Variants in INKA2 observed in about 807,000 individuals in gnomAD.
The protein encoded by INKA2 is PAK4-inhibitor INKA2.
In INKA2, 3 loss-of-function variants were observed where a neutral mutation model predicts 9.8. That is an observed-to-expected ratio of 0.31 (90% CI 0.14 to 0.79). INKA2 has a LOEUF of 0.79. Among genes scored for constraint, INKA2 ranks in the 30% least tolerant of loss-of-function variants. INKA2 has a pLI of 0.62. For missense variants in INKA2, 392 were observed against 384.4 expected (o/e 1.02, Z -0.17); for synonymous variants, 147 against 143.3 (o/e 1.03, Z -0.18).
chr1:111,755,556 A>C, intron 1 of INKA2: 1 of 877,756 alleles, frequency 1.1e-6, no homozygotes, highest in Non-Finnish European at 1.7e-6. Context: ...GGCGTGACGC[A>C]CCGGGCGCAT....
In INKA2 at chr1:111,723,325, T is replaced by C. The variant is rs749222317; in HGVS notation, c.*3643A>G. 6 of 504,990 alleles carry C rather than the reference T, an allele frequency of 1.2e-5. No individual in the cohort carries two copies. The Middle Eastern group carries it at 1.5e-3, about 126-fold the overall frequency. 31.3% of individuals were successfully genotyped at this position (504,990 alleles called of 1,614,324 possible). On this transcript the variant is annotated 3_prime_UTR_variant, in exon 2 of 2. Coordinates refer to ENST00000357260, the MANE Select transcript of INKA2 (RefSeq NM_019099.5). ...GCAAGTTTGGGTTCAGAGATCACCC[T>C]GAGGGGCGGGGCACAAGGGAAGTGT...
Position 111,723,333 on chromosome 1 carries a change from G to T in INKA2, c.*3635C>A. 4.0e-6 allele frequency: 2 copies of T among 497,824 alleles called. No homozygotes were observed. Among genetic ancestry groups the T allele is most frequent in the Non-Finnish European group, 7.1e-6 (2 of 283,116 alleles). 30.8% of individuals were successfully genotyped at this position (497,824 alleles called of 1,614,324 possible). On this transcript the variant is annotated 3_prime_UTR_variant, in exon 2 of 2. Coordinates refer to ENST00000357260, the MANE Select transcript of INKA2 (RefSeq NM_019099.5). ...GGGTTCAGAGATCACCCTGAGGGGCGGGGCACAAGGGAAGTGTCTGAGGGA... is the reference window on the plus strand; with the variant it reads ...GGGTTCAGAGATCACCCTGAGGGGCTGGGCACAAGGGAAGTGTCTGAGGGA...
intron 1 of INKA2, among the ~76,000 whole-genome samples, chr1:111,732,382 C>T (rs1045923531): frequency 6.6e-6 from 1 of 152,122 alleles, no homozygotes; most frequent in African/African-American, 2.4e-5. Flanking sequence ...GCTCTAAACC[C>T]ATCTCCAGGC....
intron 1 of INKA2, among the ~76,000 whole-genome samples, chr1:111,733,539 T>C (rs1482885331): frequency 1.3e-5 from 2 of 152,176 alleles, no homozygotes; most frequent in African/African-American, 4.8e-5. Context: ...GAAGTCATCC[T>C]TTTGAGGGAC....
chr1:111,732,209 C>T (rs577832084), intron 1 of INKA2, among the ~76,000 whole-genome samples: 1 of 152,180 alleles, frequency 6.6e-6, no homozygotes, highest in Non-Finnish European at 1.5e-5. Context: ...AGTCAGAGGC[C>T]GAGCTTGGGA....
intron 1 of INKA2, among the ~76,000 whole-genome samples, chr1:111,731,586 A>C (rs1662906082): frequency 6.6e-6 from 1 of 152,134 alleles, no homozygotes; most frequent in Non-Finnish European, 1.5e-5. Context: ...TCCTGGACTC[A>C]AGCCATCCTC....
At chr1:111,734,150 G>A (rs2101368919) in intron 1 of INKA2, among the ~76,000 whole-genome samples, 1 of 152,322 alleles carries the variant, frequency 6.6e-6, no homozygotes, top group Non-Finnish European at 1.5e-5. Flanking sequence ...GCTGTAGGAG[G>A]GAGGAGGGTA....
upstream of INKA2, chr1:111,744,377 G>A (rs1663213013): frequency 6.6e-6 from 1 of 152,192 alleles, no homozygotes. Context: ...TCTTACAGAT[G>A]GAGCAACTCA....
Position 111,723,080 on chromosome 1 carries a change from C to T in INKA2, c.*3888G>A. 2 of 701,910 alleles carry T rather than the reference C, an allele frequency of 2.8e-6. No homozygotes were observed. Among genetic ancestry groups the T allele is most frequent in the Non-Finnish European group, 2.6e-6 (1 of 384,556 alleles). 43.5% of individuals were successfully genotyped at this position (701,910 alleles called of 1,614,324 possible). A position where few individuals can be genotyped will look rare whatever the true frequency, so the allele number is the denominator to read the frequency against. On this transcript the variant is annotated 3_prime_UTR_variant, in exon 2 of 2. Coordinates refer to ENST00000357260, the MANE Select transcript of INKA2 (RefSeq NM_019099.5). ...CTTAACTCCAAGTCTAGTGCTCATACCATGGTGCTGGCAGAAGTGCCTTAA... is the reference window on the plus strand; with the variant it reads ...CTTAACTCCAAGTCTAGTGCTCATATCATGGTGCTGGCAGAAGTGCCTTAA...
chr1:111,750,791 T>G (rs1166899025), intron 1 of INKA2, among the ~76,000 whole-genome samples: 3 of 152,170 alleles, frequency 2.0e-5, no homozygotes, highest in Non-Finnish European at 4.4e-5. Flanking sequence ...CCAGCTGTAT[T>G]TCTCTTTACT....
rs1318328328 is a variant in INKA2 at position 111,724,227 on chromosome 1, CAA to C, written c.*2739_*2740del. On this transcript the variant is annotated 3_prime_UTR_variant, in exon 2 of 2. Coordinates refer to ENST00000357260, the MANE Select transcript of INKA2 (RefSeq NM_019099.5). ...AGTCTCTTCTGACTAACCAATGGTT[CAA>C]AGTCTGCTTATTTTCCACTGCATCC... 6.6e-6 allele frequency: 1 copy of C among 152,228 alleles called. No homozygotes were observed. The allele number at this position is 152,228 out of a possible 1,614,324, so 9.4% of individuals were successfully genotyped here.
intron 1 of INKA2, among the ~76,000 whole-genome samples, chr1:111,736,518 T>C (rs1663012000): frequency 6.6e-6 from 1 of 152,240 alleles, no homozygotes; most frequent in South Asian, 2.1e-4. Context: ...ATGTTTTGTT[T>C]TCCAGCAGGT....
chr1:111,755,747 C>G, exon 1 of INKA2: 2 of 1,613,938 alleles, frequency 1.2e-6, no homozygotes, highest in Non-Finnish European at 1.7e-6. Flanking sequence ...TTTCCTCAGG[C>G]CACATTTTTT....
At chr1:111,739,130 A>T in intron 1 of INKA2, 56 bp downstream of exon 1, 1 of 1,549,616 alleles carries the variant, frequency 6.5e-7, no homozygotes. Flanking sequence ...GGCGGAGACC[A>T]GGTGCCCGTC....
At chr1:111,733,635 C>T (rs373111997) in intron 1 of INKA2, among the ~76,000 whole-genome samples, 1 of 152,106 alleles carries the variant, frequency 6.6e-6, no homozygotes, top group African/African-American at 2.4e-5. Context: ...AGTTGGGAAC[C>T]AGATCCCACC....
chr1:111,725,953 T>G lies in INKA2; in HGVS notation c.*1015A>C, dbSNP rs1571588475. ...GGTTTCACCATGTTGGCCAGGCTGG[T>G]CATGAACTCCTGACCCCAGGTAATC... On this transcript the variant is annotated 3_prime_UTR_variant, in exon 2 of 2. Coordinates refer to ENST00000357260, the MANE Select transcript of INKA2 (RefSeq NM_019099.5). The G allele has an allele frequency of 2.6e-6, 1 of 391,486 alleles. No homozygotes were observed. 24.3% of individuals were successfully genotyped at this position (391,486 alleles called of 1,614,324 possible). A position where few individuals can be genotyped will look rare whatever the true frequency, so the allele number is the denominator to read the frequency against.
upstream of INKA2, among the ~76,000 whole-genome samples, chr1:111,742,515 C>T (rs61788768): frequency 0.022 from 3,408 of 152,236 alleles, 52 homozygotes; most frequent in Non-Finnish European, 0.033. Context: ...AACCGGGAGG[C>T]GGAGGTTTCA....
exon 1 of INKA2, chr1:111,755,746 G>A (rs760249081): frequency 6.2e-7 from 1 of 1,613,888 alleles, no homozygotes; most frequent in South Asian, 1.1e-5. Flanking sequence ...CTTTCCTCAG[G>A]CCACATTTTT....
At chr1:111,728,056 C>CAT (rs1662830942) in intron 1 of INKA2, among the ~76,000 whole-genome samples, 1 of 151,502 alleles carries the variant, frequency 6.6e-6, no homozygotes, top group Admixed American at 6.6e-5. Context: ...CACACACACA[C>CAT]ACACACACAC....
Sources: gnomAD v4.1 joint callset for allele counts (sites outside exome capture counted in the v4.1 genomes callset) on GRCh38, gnomAD v4.1.1 for gene constraint, MANE v1.5 for transcripts, NCBI Gene and HGNC (gene_info 2026-07-23, HGNC 2026-07-21) for gene names.